Variants in NR3C2 observed in about 807,000 individuals in gnomAD.
NR3C2 encodes nuclear receptor subfamily 3 group C member 2.
In NR3C2, 15 loss-of-function variants were observed where a neutral mutation model predicts 86.4. That is an observed-to-expected ratio of 0.17 (90% CI 0.12 to 0.27). The LOEUF is 0.27. Among genes scored for constraint, NR3C2 ranks in the 10% least tolerant of loss-of-function variants. The pLI is 1.00. For missense variants in NR3C2, 960 were observed against 1,195.6 expected (o/e 0.80, Z 2.91); for synonymous variants, 458 against 450.5 (o/e 1.02, Z -0.21).
At chr4:148,417,995 C>A (rs1401814634) in intron 2 of NR3C2, among the ~76,000 whole-genome samples, 1 of 152,112 alleles carries the variant, frequency 6.6e-6, no homozygotes, top group East Asian at 1.9e-4. Flanking sequence ...GAACACTAGA[C>A]AACAGGGCAT....
intron 3 of NR3C2, among the ~76,000 whole-genome samples, chr4:148,242,363 C>T (rs1249878780): frequency 6.6e-6 from 1 of 152,192 alleles, no homozygotes; most frequent in Non-Finnish European, 1.5e-5. Flanking sequence ...GGAAAGCAAT[C>T]TGGCAACATT....
At chr4:148,134,641 CTCTTTTTT>C (rs1157179696) in intron 6 of NR3C2, among the ~76,000 whole-genome samples, 7 of 60,964 alleles carry the variant, frequency 1.1e-4, no homozygotes, top group African/African-American at 3.1e-4. Context: ...CTCTCTCTCT[CTCTTTTTT>C]TTTTTTTTTT....
chr4:148,324,363 GTGTT>G (rs869210021), intron 2 of NR3C2, among the ~76,000 whole-genome samples: 6,296 of 75,388 alleles, frequency 0.084, 149 homozygotes, highest in East Asian at 0.21. Flanking sequence ...GTGTGTGTGT[GTGTT>G]TGTGTGTGTG....
chr4:148,189,416 C>T lies in NR3C2; in HGVS notation c.2014+5330G>A, dbSNP rs377366527. 1.3e-4 allele frequency among the ~76,000 whole-genome samples: 20 copies of T among 152,174 alleles called. No individual in the cohort carries two copies. In the East Asian group the frequency reaches 1.7e-3, roughly 13 times the overall value. On this transcript the variant is annotated intron_variant, in intron 4 of 8. Transcript: ENST00000358102. ...ACTTGATCATGGTGGATTATCTTTT[C>T]GATATGTTGTTGGATTCGGTTAGCT...
chr4:148,416,082 A>G (rs750865879), intron 2 of NR3C2, among the ~76,000 whole-genome samples: 145 of 152,266 alleles, frequency 9.5e-4, no homozygotes, highest in Non-Finnish European at 1.5e-3. Flanking sequence ...TTTCCTATAA[A>G]TTTTCTTCAT....
intron 2 of NR3C2, among the ~76,000 whole-genome samples, chr4:148,367,721 G>T (rs1484493584): frequency 6.6e-6 from 1 of 151,726 alleles, no homozygotes; most frequent in Non-Finnish European, 1.5e-5. Context: ...ATTCAAGAAA[G>T]ATTTATGCTC....
chr4:148,130,525 C>T (rs1732969473), intron 6 of NR3C2, among the ~76,000 whole-genome samples: 1 of 152,180 alleles, frequency 6.6e-6, no homozygotes, highest in Non-Finnish European at 1.5e-5. Context: ...ACATAGCTCT[C>T]ATCATTCTGA....
intron 3 of NR3C2, among the ~76,000 whole-genome samples, chr4:148,240,000 C>T (rs1033147121): frequency 6.6e-6 from 1 of 151,450 alleles, no homozygotes; most frequent in Non-Finnish European, 1.5e-5. Context: ...CATGTGTGTG[C>T]GTGTGTGGGG....
chr4:148,436,567 T>C lies in NR3C2; in HGVS notation c.294A>G (p.Ser98=). ...AACCCATGGACTCAGCTACAGTTGC[T>C]GAAAGTTCCTTAGATTCCAGCTCAG... The part of the protein sequence containing the change: ...IKTELESKEL[S]ATVAESMGLY... Residue 98 remains serine (S), a synonymous_variant, in exon 2 of 9, where the codon TCA becomes TCG. Coordinates refer to ENST00000358102, the MANE Select transcript of NR3C2 (RefSeq NM_000901.5). The C allele has an allele frequency of 6.2e-7, 1 of 1,614,252 alleles. No individual in the cohort carries two copies. The highest frequency in any genetic ancestry group is 8.5e-7 in the Non-Finnish European group (1 of 1,180,042).
chr4:148,219,109 C>A (rs552454473), intron 3 of NR3C2, among the ~76,000 whole-genome samples: 2 of 152,296 alleles, frequency 1.3e-5, no homozygotes, highest in Non-Finnish European at 2.9e-5. Context: ...CATAACCTCA[C>A]CAAAACTTAG....
At chr4:148,432,378 A>G (rs1169739120) in intron 2 of NR3C2, among the ~76,000 whole-genome samples, 1 of 152,174 alleles carries the variant, frequency 6.6e-6, no homozygotes, top group African/African-American at 2.4e-5. Context: ...ATAGTTCCTT[A>G]AAGGTTAGTT....
chr4:148,287,108 T>C (rs1741562635), intron 2 of NR3C2, among the ~76,000 whole-genome samples: 1 of 152,256 alleles, frequency 6.6e-6, no homozygotes, highest in Non-Finnish European at 1.5e-5. Context: ...CAACCCCAGC[T>C]TTCTACCATG....
At chr4:148,203,562 T>C (rs1055030645) in intron 3 of NR3C2, among the ~76,000 whole-genome samples, 1 of 152,038 alleles carries the variant, frequency 6.6e-6, no homozygotes, top group African/African-American at 2.4e-5. Flanking sequence ...GCTCTTGAAC[T>C]GGTTCGAACA....
chr4:148,327,991 T>G (rs1744049159), intron 2 of NR3C2, among the ~76,000 whole-genome samples: 1 of 152,212 alleles, frequency 6.6e-6, no homozygotes, highest in Admixed American at 6.5e-5. Flanking sequence ...AGTTGTCTTT[T>G]GTTGCCTTAA....
chr4:148,326,187 G>A (rs1182159138), intron 2 of NR3C2, among the ~76,000 whole-genome samples: 1 of 148,328 alleles, frequency 6.7e-6, no homozygotes, highest in African/African-American at 2.5e-5. Context: ...TGAGGAGATC[G>A]AGACCATCCT....
chr4:148,148,586 G>T (rs1425349734), intron 6 of NR3C2, among the ~76,000 whole-genome samples: 5 of 152,102 alleles, frequency 3.3e-5, no homozygotes, highest in Non-Finnish European at 7.4e-5. Flanking sequence ...GTTCATTGAA[G>T]GCCCATGTTT....
At chr4:148,242,873 A>G (rs551380765) in intron 3 of NR3C2, among the ~76,000 whole-genome samples, 3 of 152,292 alleles carry the variant, frequency 2.0e-5, no homozygotes, top group South Asian at 2.1e-4. Flanking sequence ...TTTCCAAGAC[A>G]TTTTGTCAAA....
chr4:148,119,515 C>T (rs1325326969), intron 7 of NR3C2, among the ~76,000 whole-genome samples: 1 of 152,166 alleles, frequency 6.6e-6, no homozygotes, highest in Non-Finnish European at 1.5e-5. Flanking sequence ...TATCTTTGGC[C>T]AGGCGTGGTG....
chr4:148,254,085 C>T (rs1390728784), intron 3 of NR3C2, among the ~76,000 whole-genome samples: 2 of 151,996 alleles, frequency 1.3e-5, no homozygotes, highest in African/African-American at 2.4e-5. Context: ...ACTATCTGCC[C>T]GCCCTCTCAA....
Sources: allele counts gnomAD v4.1 joint callset (sites outside exome capture counted in the v4.1 genomes callset), GRCh38; gene constraint gnomAD v4.1.1; transcripts MANE v1.5; gene names NCBI Gene and HGNC (gene_info 2026-07-23, HGNC 2026-07-21).